FRMD5: variants seen among roughly 807,000 people sequenced by gnomAD.
FRMD5 encodes FERM domain-containing protein 5.
FRMD5 carries 20 observed loss-of-function variants against 69.0 expected under a neutral mutation model. The observed-to-expected ratio is 0.29, with a 90% CI of 0.20 to 0.42. FRMD5 has a LOEUF of 0.42. Ranked by LOEUF, FRMD5 falls within the 10% of genes least tolerant of loss-of-function variation. FRMD5 has a pLI of 1.00. For synonymous variants in FRMD5, 271 were observed against 260.1 expected, an observed-to-expected ratio of 1.04 and a Z score of -0.40; for missense variants, 595 against 708.6, an observed-to-expected ratio of 0.84 and a Z score of 1.82.
chr15:43,933,922 C>T (rs2140471203), intron 1 of FRMD5, among the ~76,000 whole-genome samples: 1 of 152,330 alleles, frequency 6.6e-6, no homozygotes, highest in East Asian at 1.9e-4. Context: ...CCTTCTCACC[C>T]CAGATCTGCT....
intron 13 of FRMD5, among the ~76,000 whole-genome samples, chr15:43,876,723 ACT>A (rs1381478577): frequency 6.6e-6 from 1 of 152,024 alleles, no homozygotes; most frequent in East Asian, 1.9e-4. Context: ...TGGGGTAGAA[ACT>A]CTCTCTGCTC....
At chr15:43,912,835 T>C (rs1047738573) in intron 4 of FRMD5, among the ~76,000 whole-genome samples, 29 of 140,074 alleles carry the variant, frequency 2.1e-4, no homozygotes, top group African/African-American at 7.9e-4. Context: ...ATGGCCAACA[T>C]GGTGAAACCC....
intron 5 of FRMD5, 115 bp downstream of exon 5, chr15:43,909,767 A>G (rs1334428152): frequency 3.2e-6 from 2 of 622,200 alleles, no homozygotes; most frequent in Non-Finnish European, 5.7e-6. Flanking sequence ...AGCGTGAGCC[A>G]CAGCACCTGG....
At position 43,918,621 on chromosome 15, in the gene FRMD5, C is replaced by CTA. The variant is rs777288096; in HGVS notation, c.329+836_329+837dup. On this transcript the variant is annotated intron_variant, in intron 4 of 13. Coordinates refer to ENST00000417257, the MANE Select transcript of FRMD5 (RefSeq NM_032892.5). ...AGGGAAGGGGTTAGAGCTGACAGTCCTATCTCTTCCTCAGCTCTAGGATTC... is the reference window on the plus strand; with the variant it reads ...AGGGAAGGGGTTAGAGCTGACAGTCCTATATCTCTTCCTCAGCTCTAGGATTC... Among the ~76,000 whole-genome samples the CTA allele has an allele frequency of 6.0e-4, 91 of 152,282 alleles. 1 individual carries two copies. Among genetic ancestry groups the CTA allele is most frequent in the Admixed American group, 1.2e-3 (18 of 15,294 alleles).
At chr15:43,939,859 C>A (rs2089831472) in intron 1 of FRMD5, among the ~76,000 whole-genome samples, 1 of 152,176 alleles carries the variant, frequency 6.6e-6, no homozygotes, top group Non-Finnish European at 1.5e-5. Flanking sequence ...CTGTGCCAGG[C>A]TGGGGTGCTC....
At chr15:44,119,112 C>G (rs1204072860) in intron 1 of FRMD5, among the ~76,000 whole-genome samples, 1 of 152,046 alleles carries the variant, frequency 6.6e-6, no homozygotes, top group Non-Finnish European at 1.5e-5. Context: ...TGCACCACCA[C>G]ACCCAGTTAA....
At chr15:44,194,642 A>C in intron 1 of FRMD5, 100 of 385,410 alleles carry the variant, frequency 2.6e-4, no homozygotes, top group Middle Eastern at 1.5e-3. Flanking sequence ...CGCCCCGGAA[A>C]GGTGCACCTT....
At chr15:44,086,287 C>A (rs922951898) in intron 1 of FRMD5, among the ~76,000 whole-genome samples, 5 of 152,108 alleles carry the variant, frequency 3.3e-5, no homozygotes, top group African/African-American at 1.2e-4. Context: ...CTATTCATAA[C>A]ACCCAAAAGA....
At chr15:43,998,082 A>G (rs953885919) in intron 1 of FRMD5, among the ~76,000 whole-genome samples, 2 of 152,204 alleles carry the variant, frequency 1.3e-5, no homozygotes, top group Non-Finnish European at 2.9e-5. Flanking sequence ...AACATCTTCA[A>G]CTGGTTCAAT....
chr15:44,112,225 C>T (rs1193322602), intron 1 of FRMD5, among the ~76,000 whole-genome samples: 1 of 152,040 alleles, frequency 6.6e-6, no homozygotes, highest in Non-Finnish European at 1.5e-5. Flanking sequence ...TAAAGTTGTG[C>T]TATATTGCTT....
chr15:43,887,901 C>T (rs929993766), intron 10 of FRMD5, among the ~76,000 whole-genome samples: 1 of 152,236 alleles, frequency 6.6e-6, no homozygotes, highest in African/African-American at 2.4e-5. Context: ...TACCTGGCAT[C>T]ATGCCCTCAG....
chr15:44,154,966 G>A, intron 1 of FRMD5, among the ~76,000 whole-genome samples: 1 of 151,916 alleles, frequency 6.6e-6, no homozygotes, highest in East Asian at 1.9e-4. Context: ...AAAAGAAAAA[G>A]AAAAATAGGT....
At chr15:43,901,909 C>T in intron 7 of FRMD5, 1 of 424,260 alleles carries the variant, frequency 2.4e-6, no homozygotes, top group Non-Finnish European at 4.2e-6. Flanking sequence ...TCATTTCTAC[C>T]AAATTACCCA....
intron 7 of FRMD5, among the ~76,000 whole-genome samples, chr15:43,897,209 T>C (rs2088930692): frequency 6.6e-6 from 1 of 152,012 alleles, no homozygotes; most frequent in South Asian, 2.1e-4. Context: ...TGAGGGGTGC[T>C]GGGCATGGTG....
chr15:44,120,383 G>A (rs544789841), intron 1 of FRMD5, among the ~76,000 whole-genome samples: 21 of 152,288 alleles, frequency 1.4e-4, no homozygotes, highest in African/African-American at 4.8e-4. Context: ...ATTTAAGACA[G>A]ATTTCAAAGA....
intron 1 of FRMD5, among the ~76,000 whole-genome samples, chr15:44,165,430 A>C (rs1595544696): frequency 6.6e-6 from 1 of 152,108 alleles, no homozygotes; most frequent in South Asian, 2.1e-4. Flanking sequence ...TCAATCAATC[A>C]ATCAATCAAT....
chr15:44,029,193 A>G (rs976194102), intron 1 of FRMD5, among the ~76,000 whole-genome samples: 9 of 152,226 alleles, frequency 5.9e-5, no homozygotes, highest in Non-Finnish European at 1.3e-4. Flanking sequence ...CAAGCCAAAA[A>G]AGTCCCCACT....
At chr15:43,889,413 C>T (rs529804318) in intron 8 of FRMD5, among the ~76,000 whole-genome samples, 3 of 152,092 alleles carry the variant, frequency 2.0e-5, no homozygotes, top group African/African-American at 7.2e-5. Context: ...GGGCAACATA[C>T]CAAAGAGAGA....
intron 4 of FRMD5, among the ~76,000 whole-genome samples, chr15:43,915,389 G>A (rs1336610602): frequency 2.6e-5 from 4 of 152,188 alleles, no homozygotes; most frequent in African/African-American, 7.2e-5. Flanking sequence ...AGGCTCAAGC[G>A]ATGTTCACTG....
Sources: gnomAD v4.1 joint callset for allele counts (sites outside exome capture counted in the v4.1 genomes callset) on GRCh38, gnomAD v4.1.1 for gene constraint, MANE v1.5 for transcripts, NCBI Gene and HGNC (gene_info 2026-07-23, HGNC 2026-07-21) for gene names.